The following INPP5F variants were observed in gnomAD, a reference collection of about 807,000 sequenced individuals.
INPP5F encodes the protein phosphatidylinositide 4-phosphatase SAC2.
Under a neutral mutation model 137.2 loss-of-function variants are expected in INPP5F, and 97 were observed. The observed-to-expected ratio is 0.71, with a 90% CI of 0.60 to 0.84. INPP5F has a LOEUF of 0.84. INPP5F is among the 40% of genes least tolerant of loss of function. The pLI, the probability that INPP5F is intolerant of heterozygous loss-of-function variation, is 0.00. For synonymous variants in INPP5F, 504 were observed against 476.9 expected (o/e 1.06, Z -0.74); for missense variants, 1,271 against 1,371.9 (o/e 0.93, Z 1.16).
chr10:119,761,581 G>GT (rs34003892), intron 2 of INPP5F, among the ~76,000 whole-genome samples: 56,527 of 144,148 alleles, frequency 0.39, 11,327 homozygotes, highest in South Asian at 0.68. Context: ...TCTTAATGTA[G>GT]TTTTTTTTTT....
chr10:119,745,140 G>T (rs1848493356), intron 1 of INPP5F, among the ~76,000 whole-genome samples: 1 of 151,876 alleles, frequency 6.6e-6, no homozygotes, highest in Non-Finnish European at 1.5e-5. Context: ...TATCCTTTCT[G>T]CCATGCTCCC....
chr10:119,726,806 C>T (rs1473242583), intron 1 of INPP5F, among the ~76,000 whole-genome samples: 1 of 152,274 alleles, frequency 6.6e-6, no homozygotes, highest in Non-Finnish European at 1.5e-5. Flanking sequence ...CTCTGCTGGA[C>T]ACTCACTCCC....
Position 119,787,036 on chromosome 10 carries a change from T to C in INPP5F, c.316-4481T>C, listed in dbSNP as rs192272490. ...ACCCTCTAAAGTGGTTCTGGAGCAT[T>C]ACCCCACGATAAAACACATTAATGT... On this transcript the variant is annotated intron_variant, in intron 3 of 19. Coordinates refer to ENST00000650623, the MANE Select transcript of INPP5F (RefSeq NM_014937.4). The surrounding 1 kb of genome is among the most constrained non-coding windows in gnomAD (Gnocchi z 4.1). Among the ~76,000 whole-genome samples, 1 of 152,298 alleles carries C rather than the reference T, an allele frequency of 6.6e-6. No homozygotes were observed. Among genetic ancestry groups the C allele is most frequent in the Admixed American group, 6.5e-5 (1 of 15,298 alleles).
chr10:119,821,797 G>A (rs982076764), intron 16 of INPP5F, among the ~76,000 whole-genome samples: 2 of 151,052 alleles, frequency 1.3e-5, no homozygotes, highest in African/African-American at 4.9e-5. Context: ...TTGTAAGTTA[G>A]GTTTTAGGTT....
intron 9 of INPP5F, among the ~76,000 whole-genome samples, chr10:119,803,728 A>G (rs1055862403): frequency 6.6e-6 from 1 of 152,182 alleles, no homozygotes; most frequent in Non-Finnish European, 1.5e-5. Flanking sequence ...ACAATATTGA[A>G]TCTTGCTGCC....
chr10:119,790,602 TTAA>T (rs1415780538), intron 3 of INPP5F, among the ~76,000 whole-genome samples: 1 of 152,244 alleles, frequency 6.6e-6, no homozygotes, highest in African/African-American at 2.4e-5. Context: ...TCACTTTATC[TTAA>T]TAGTTATTTT....
At chr10:119,791,844 G>A in intron 4 of INPP5F, 25 bp from the exon 5 acceptor site, 2 of 1,535,998 alleles carry the variant, frequency 1.3e-6, no homozygotes, top group Non-Finnish European at 1.8e-6. Context: ...AATTTCTGTA[G>A]TAATAGTAGA....
chr10:119,770,131 G>GT (rs915900841), intron 2 of INPP5F, among the ~76,000 whole-genome samples: 247 of 152,000 alleles, frequency 1.6e-3, no homozygotes, highest in African/African-American at 5.5e-3. Context: ...TTCCTAATCA[G>GT]TTTTTTTTAT....
intron 3 of INPP5F, among the ~76,000 whole-genome samples, chr10:119,785,302 T>TTTTTTTG (rs1554889600): frequency 4.7e-5 from 7 of 147,730 alleles, no homozygotes; most frequent in Non-Finnish European, 6.0e-5. Flanking sequence ...TTTTTTTTTT[T>TTTTTTTG]GGAGACGGAG....
rs568269232 is a variant in INPP5F, at chr10:119,806,170, C to T, written c.1320-190C>T. 3.3e-5 allele frequency among the ~76,000 whole-genome samples: 5 copies of T among 151,460 alleles called. No homozygotes were observed. In the South Asian group the frequency reaches 1.0e-3, roughly 32 times the overall value. On this transcript the variant is annotated intron_variant, in intron 11 of 19. Coordinates refer to ENST00000650623, the MANE Select transcript of INPP5F (RefSeq NM_014937.4). ...TTTTTCCTTAAGATGAGGATAATAT[C>T]TTCCTTGCTATGTTATTGTGTAAAT...
chr10:119,755,843 A>T (rs773059806), intron 2 of INPP5F, among the ~76,000 whole-genome samples: 1 of 152,216 alleles, frequency 6.6e-6, no homozygotes, highest in Non-Finnish European at 1.5e-5. Flanking sequence ...TAAAACTCAC[A>T]TAAAGTGAGT....
chr10:119,803,795 C>A (rs1366213379), intron 9 of INPP5F, among the ~76,000 whole-genome samples: 1 of 152,144 alleles, frequency 6.6e-6, no homozygotes, highest in East Asian at 1.9e-4. Flanking sequence ...GCTTTATGTA[C>A]TTCAGCAGCA....
intron 2 of INPP5F, among the ~76,000 whole-genome samples, chr10:119,754,803 C>G (rs926343749): frequency 6.6e-6 from 1 of 151,640 alleles, no homozygotes; most frequent in African/African-American, 2.4e-5. Flanking sequence ...CTCCTCCTCT[C>G]CTCTCCCTGC....
intron 8 of INPP5F, among the ~76,000 whole-genome samples, chr10:119,798,200 ATTCT>A (rs138123736): frequency 0.047 from 7,201 of 152,228 alleles, 308 homozygotes; most frequent in South Asian, 0.26. Context: ...CTTAGTTGGT[ATTCT>A]TTGTGAGAAT....
intron 15 of INPP5F, among the ~76,000 whole-genome samples, chr10:119,820,040 T>C (rs1851492327): frequency 6.6e-6 from 1 of 152,240 alleles, no homozygotes; most frequent in Non-Finnish European, 1.5e-5. Context: ...ACATCTCTCT[T>C]TTGCTGGAAA....
intron 9 of INPP5F, among the ~76,000 whole-genome samples, chr10:119,798,904 T>C (rs552015983): frequency 1.3e-5 from 2 of 151,348 alleles, no homozygotes; most frequent in Non-Finnish European, 2.9e-5. Flanking sequence ...TAGCTGGGAC[T>C]GCAGGCATGT....
At chr10:119,749,545 A>G (rs1443299564) in intron 1 of INPP5F, among the ~76,000 whole-genome samples, 1 of 152,168 alleles carries the variant, frequency 6.6e-6, no homozygotes, top group African/African-American at 2.4e-5. Context: ...TTCCACGTAT[A>G]ATTTCTGAAG....
intron 13 of INPP5F, among the ~76,000 whole-genome samples, chr10:119,809,226 C>CAAA (rs71019722): frequency 1.9e-3 from 114 of 58,706 alleles, no homozygotes; most frequent in African/African-American, 2.8e-3. Context: ...GACTCTGTCT[C>CAAA]AAAAAAAAAA....
chr10:119,750,233 GATA>G (rs1192508765), intron 1 of INPP5F, among the ~76,000 whole-genome samples: 2 of 152,196 alleles, frequency 1.3e-5, no homozygotes, highest in African/African-American at 4.8e-5. Context: ...AATTGTAAAT[GATA>G]ATAATGAAAA....
Sources: gnomAD v4.1 joint callset for allele counts (sites outside exome capture counted in the v4.1 genomes callset) on GRCh38, gnomAD v4.1.1 for gene constraint, Gnocchi (gnomAD v3.1) non-coding constraint, MANE v1.5 for transcripts, NCBI Gene and HGNC (gene_info 2026-07-23, HGNC 2026-07-21) for gene names.